Variants in ERC2 observed in about 807,000 individuals in gnomAD.
ERC2 encodes ELKS/RAB6-interacting/CAST family member 2, also known as ERC protein 2.
Under a neutral mutation model 114.8 loss-of-function variants are expected in ERC2, and 42 were observed. The observed-to-expected ratio is 0.37, with a 90% CI of 0.29 to 0.47. The LOEUF (loss-of-function observed/expected upper bound fraction) is 0.47. Among genes scored for constraint, ERC2 ranks in the 20% least tolerant of loss-of-function variants. ERC2 has a pLI of 0.99. For missense variants in ERC2, 939 were observed against 1,150.7 expected (o/e 0.82, Z 2.66); for synonymous variants, 454 against 425.5 (o/e 1.07, Z -0.82).
chr3:55,868,150 A>C (rs1237750648), intron 14 of ERC2, among the ~76,000 whole-genome samples: 4 of 151,958 alleles, frequency 2.6e-5, no homozygotes, highest in African/African-American at 9.7e-5. Context: ...TCTTTAAGTG[A>C]AGTAAGCTCT....
intron 14 of ERC2, among the ~76,000 whole-genome samples, chr3:55,812,852 C>T (rs1054166686): frequency 5.9e-5 from 9 of 152,222 alleles, no homozygotes; most frequent in Admixed American, 6.5e-5. Flanking sequence ...TACGTGTGTG[C>T]ATGCATGTGT....
At chr3:56,170,596 T>G (rs66675898) in intron 4 of ERC2, among the ~76,000 whole-genome samples, 69 of 9,272 alleles carry the variant, frequency 7.4e-3, no homozygotes, top group South Asian at 0.022. Flanking sequence ...TTTTTTTTTT[T>G]TTTTTTTTTT....
At chr3:56,024,269 C>A (rs2073909936) in intron 7 of ERC2, among the ~76,000 whole-genome samples, 1 of 152,226 alleles carries the variant, frequency 6.6e-6, no homozygotes, top group African/African-American at 2.4e-5. Flanking sequence ...CTAGTGCAAA[C>A]ACTGTTGCCC....
At chr3:55,759,858 A>G (rs2067312836) in intron 14 of ERC2, among the ~76,000 whole-genome samples, 1 of 152,222 alleles carries the variant, frequency 6.6e-6, no homozygotes, top group East Asian at 1.9e-4. Context: ...CACATGAGTA[A>G]TTAAATTGTG....
At chr3:56,176,641 A>T (rs1018770996) in intron 3 of ERC2, among the ~76,000 whole-genome samples, 5 of 152,182 alleles carry the variant, frequency 3.3e-5, no homozygotes, top group Admixed American at 3.3e-4. Flanking sequence ...TCTGAGGCTC[A>T]TCTTGATTCC....
At chr3:56,397,402 A>G (rs946357918) in intron 2 of ERC2, among the ~76,000 whole-genome samples, 2 of 152,022 alleles carry the variant, frequency 1.3e-5, no homozygotes, top group East Asian at 1.9e-4. Context: ...TAGCCCATCA[A>G]TGACCAGTGT....
At chr3:55,912,145 C>A (rs2064846054) in intron 13 of ERC2, among the ~76,000 whole-genome samples, 1 of 152,172 alleles carries the variant, frequency 6.6e-6, no homozygotes, top group Admixed American at 6.5e-5. Context: ...TTGGCTTAAA[C>A]TAGACCAGAA....
At chr3:55,923,613 T>C (rs1228684401) in intron 13 of ERC2, among the ~76,000 whole-genome samples, 3 of 152,178 alleles carry the variant, frequency 2.0e-5, no homozygotes, top group African/African-American at 7.2e-5. Flanking sequence ...TATAAATCTG[T>C]CTCTTCAGTT....
At chr3:56,024,249 T>C (rs937739109) in intron 7 of ERC2, among the ~76,000 whole-genome samples, 1 of 152,228 alleles carries the variant, frequency 6.6e-6, no homozygotes, top group Non-Finnish European at 1.5e-5. Flanking sequence ...AGAGTTTTGA[T>C]GCAAGTGGTC....
intron 15 of ERC2, among the ~76,000 whole-genome samples, chr3:55,711,811 G>A (rs551345735): frequency 5.3e-5 from 8 of 152,266 alleles, no homozygotes; most frequent in South Asian, 4.1e-4. Flanking sequence ...CAACAAAGAC[G>A]GATGCTTAAA....
intron 14 of ERC2, among the ~76,000 whole-genome samples, chr3:55,829,710 G>A (rs374496784): frequency 1.3e-5 from 2 of 151,982 alleles, no homozygotes; most frequent in Non-Finnish European, 1.5e-5. Context: ...TGTAAAGATG[G>A]TGTCTCACTA....
intron 14 of ERC2, among the ~76,000 whole-genome samples, chr3:55,760,078 C>T (rs189310994): frequency 6.6e-6 from 1 of 152,196 alleles, no homozygotes; most frequent in Admixed American, 6.5e-5. Context: ...GAAAACAGAC[C>T]GTAGGTTTCA....
At position 56,318,553 on chromosome 3, in the gene ERC2, T is replaced by C. The variant is rs183134715; in HGVS notation, c.658-22118A>G. Among the ~76,000 whole-genome samples, 373 of 149,766 alleles carry C rather than the reference T, an allele frequency of 2.5e-3. 2 individuals carry two copies. The highest frequency in any genetic ancestry group is 8.8e-3 in the African/African-American group (360 of 40,698). On this transcript the variant is annotated intron_variant, in intron 2 of 17. Coordinates refer to ENST00000288221, the MANE Select transcript of ERC2 (RefSeq NM_015576.3). Reference sequence around the variant, plus strand: ...CCATGTATCTGATAAGGGGTTAATATCAAAAATATATATAAGGAACTTCTA... The same window carrying C: ...CCATGTATCTGATAAGGGGTTAATACCAAAAATATATATAAGGAACTTCTA...
intron 1 of ERC2, among the ~76,000 whole-genome samples, chr3:56,458,897 C>T (rs1435916944): frequency 6.6e-6 from 1 of 152,194 alleles, no homozygotes; most frequent in Non-Finnish European, 1.5e-5. Context: ...CCTTGAACCA[C>T]GACTGCTCCT....
intron 16 of ERC2, among the ~76,000 whole-genome samples, chr3:55,690,146 C>T (rs563835135): frequency 2.0e-5 from 3 of 152,198 alleles, no homozygotes; most frequent in African/African-American, 4.8e-5. Flanking sequence ...TGCCCAAATC[C>T]GAATTTTTAA....
At chr3:56,385,925 G>A (rs1405315482) in intron 2 of ERC2, among the ~76,000 whole-genome samples, 2 of 152,148 alleles carry the variant, frequency 1.3e-5, no homozygotes, top group Admixed American at 1.3e-4. Flanking sequence ...TAGAGTATGA[G>A]ATGTAATTTG....
At chr3:55,947,017 C>A (rs1006119756) in intron 13 of ERC2, among the ~76,000 whole-genome samples, 1 of 152,208 alleles carries the variant, frequency 6.6e-6, no homozygotes, top group Admixed American at 6.5e-5. Context: ...GCAGCAGAGG[C>A]CGCAAGCCAA....
intron 14 of ERC2, among the ~76,000 whole-genome samples, chr3:55,746,898 G>A (rs888974214): frequency 6.6e-6 from 1 of 152,140 alleles, no homozygotes; most frequent in Non-Finnish European, 1.5e-5. Context: ...GGAGGGTGAA[G>A]GAAACTGATG....
intron 17 of ERC2, among the ~76,000 whole-genome samples, chr3:55,565,976 A>C (rs1050127153): frequency 3.0e-4 from 45 of 152,268 alleles, no homozygotes; most frequent in African/African-American, 1.0e-3. Context: ...TTATATCTCA[A>C]ATGAAATTGT....
Sources: gnomAD v4.1 joint callset for allele counts (sites outside exome capture counted in the v4.1 genomes callset) on GRCh38, gnomAD v4.1.1 for gene constraint, MANE v1.5 for transcripts, NCBI Gene and HGNC (gene_info 2026-07-23, HGNC 2026-07-21) for gene names.